CADM2: variants seen among roughly 807,000 people sequenced by gnomAD.
The protein encoded by CADM2 is immunoglobulin superfamily member 4D.
CADM2 carries 12 observed loss-of-function variants against 49.8 expected under a neutral mutation model. That is an observed-to-expected ratio of 0.24 (90% CI 0.15 to 0.39). The LOEUF (loss-of-function observed/expected upper bound fraction) is 0.39, where lower values mean the gene tolerates loss of function less well. Among genes scored for constraint, CADM2 ranks in the 10% least tolerant of loss-of-function variants. The pLI is 1.00. For synonymous variants in CADM2, 214 were observed against 175.4 expected (o/e 1.22, Z -1.74); for missense variants, 378 against 492.3 (o/e 0.77, Z 2.20).
At chr3:85,748,199 T>A (rs1386262888) in intron 2 of CADM2, among the ~76,000 whole-genome samples, 1 of 152,082 alleles carries the variant, frequency 6.6e-6, no homozygotes, top group Non-Finnish European at 1.5e-5. Flanking sequence ...AACATTCCTC[T>A]TCCAGACATC....
intron 1 of CADM2, among the ~76,000 whole-genome samples, chr3:85,142,093 G>C (rs1220899978): frequency 6.6e-6 from 1 of 152,200 alleles, no homozygotes; most frequent in Non-Finnish European, 1.5e-5. Context: ...AGTGAGAAAG[G>C]TAGTATTAGA....
At chr3:85,585,602 A>G (rs1194696055) in intron 1 of CADM2, among the ~76,000 whole-genome samples, 2 of 152,006 alleles carry the variant, frequency 1.3e-5, no homozygotes, top group Non-Finnish European at 2.9e-5. Context: ...TTAGGCATCC[A>G]CTGACGATCT....
At position 85,468,880 on chromosome 3, in the gene CADM2, A is replaced by G. The variant is rs115534588; in HGVS notation, c.62-257642A>G. Among the ~76,000 whole-genome samples the G allele has an allele frequency of 9.3e-3, 1,419 of 152,258 alleles. 19 individuals carry two copies. Among genetic ancestry groups the G allele is most frequent in the African/African-American group, 0.031 (1,290 of 41,556 alleles). Reference sequence around the variant, plus strand: ...CAGACTTATTGGCAGCCCCTGGGAGAATGTAGAGAACCCAGCTCAGAGTTG... The same window carrying G: ...CAGACTTATTGGCAGCCCCTGGGAGGATGTAGAGAACCCAGCTCAGAGTTG... On this transcript the variant is annotated intron_variant, in intron 1 of 9. Transcript: ENST00000383699.
At chr3:85,065,218 G>A (rs964180331) in intron 1 of CADM2, among the ~76,000 whole-genome samples, 1 of 151,808 alleles carries the variant, frequency 6.6e-6, no homozygotes, top group Non-Finnish European at 1.5e-5. Flanking sequence ...ATTTAGTTTA[G>A]CTATTTTAAA....
At chr3:86,024,779 T>C (rs929529321) in intron 8 of CADM2, among the ~76,000 whole-genome samples, 1 of 152,098 alleles carries the variant, frequency 6.6e-6, no homozygotes, top group African/African-American at 2.4e-5. Context: ...CGAATAAAAA[T>C]GAAGGATGCT....
intron 7 of CADM2, among the ~76,000 whole-genome samples, chr3:85,943,362 G>T (rs1722218267): frequency 7.2e-6 from 1 of 139,770 alleles, no homozygotes; most frequent in Non-Finnish European, 1.5e-5. Flanking sequence ...TGTCAATTTT[G>T]GCTTTTGTTG....
intron 1 of CADM2, among the ~76,000 whole-genome samples, chr3:85,372,497 T>C (rs6771447): frequency 0.83 from 125,585 of 151,304 alleles, 55,400 homozygotes; most frequent in Non-Finnish European, 0.96. Flanking sequence ...TTATATATTC[T>C]TTATAGTTAT....
intron 1 of CADM2, among the ~76,000 whole-genome samples, chr3:85,359,397 G>A (rs959968385): frequency 3.3e-5 from 5 of 151,394 alleles, no homozygotes; most frequent in Non-Finnish European, 7.4e-5. Context: ...TAAGAGGCAG[G>A]GGCAATGTGT....
In CADM2 at chr3:86,036,431, C is replaced by T. The variant is rs79018830; in HGVS notation, c.971-29174C>T. ...TTCTAAGGTTGACCTTCCTACTCCC[C>T]CTTGCTAAATCTCTTCTGCTTTTCT... On this transcript the variant is annotated intron_variant, in intron 8 of 9. Coordinates refer to ENST00000383699, the MANE Select transcript of CADM2 (RefSeq NM_001167675.2). Among the ~76,000 whole-genome samples the T allele has an allele frequency of 6.4e-3, 980 of 152,214 alleles. 11 individuals carry two copies. The highest frequency in any genetic ancestry group is 0.022 in the African/African-American group (929 of 41,566).
At chr3:85,846,047 C>A (rs1361536022) in intron 3 of CADM2, among the ~76,000 whole-genome samples, 1 of 152,050 alleles carries the variant, frequency 6.6e-6, no homozygotes, top group Non-Finnish European at 1.5e-5. Flanking sequence ...AAAGAAAGCA[C>A]AGGCCAATCT....
intron 1 of CADM2, among the ~76,000 whole-genome samples, chr3:85,685,626 T>C (rs1334639181): frequency 1.3e-5 from 2 of 148,702 alleles, no homozygotes; most frequent in Admixed American, 6.7e-5. Flanking sequence ...TTTTTTTTTT[T>C]TTTTTTTTTG....
chr3:85,947,658 A>T (rs1455298975), intron 7 of CADM2, among the ~76,000 whole-genome samples: 4 of 151,348 alleles, frequency 2.6e-5, no homozygotes, highest in Non-Finnish European at 5.9e-5. Flanking sequence ...TCACACATTG[A>T]CTCGCTGGAA....
At chr3:85,316,947 C>T (rs1246632526) in intron 1 of CADM2, among the ~76,000 whole-genome samples, 1 of 152,032 alleles carries the variant, frequency 6.6e-6, no homozygotes, top group South Asian at 2.1e-4. Flanking sequence ...GGCTAAAGAC[C>T]ATGAGTTGGG....
intron 8 of CADM2, among the ~76,000 whole-genome samples, chr3:86,010,659 A>G (rs1173674571): frequency 6.6e-6 from 1 of 151,356 alleles, no homozygotes. Context: ...AGAAACAAAT[A>G]TTAAGAAAAA....
chr3:85,700,072 C>A (rs2066703839), intron 1 of CADM2, among the ~76,000 whole-genome samples: 1 of 152,156 alleles, frequency 6.6e-6, no homozygotes, highest in African/African-American at 2.4e-5. Context: ...AAAGCAAAGA[C>A]TTGGAACCAA....
At chr3:85,224,807 G>T (rs1423243997) in intron 1 of CADM2, among the ~76,000 whole-genome samples, 1 of 152,118 alleles carries the variant, frequency 6.6e-6, no homozygotes, top group Non-Finnish European at 1.5e-5. Context: ...TCCAGTTTCA[G>T]CTTTCTGCAT....
intron 1 of CADM2, among the ~76,000 whole-genome samples, chr3:85,355,449 G>A (rs979367740): frequency 3.3e-5 from 5 of 152,000 alleles, no homozygotes; most frequent in African/African-American, 9.7e-5. Context: ...TTCTCACTTC[G>A]TATGTAGATT....
At chr3:85,772,964 T>C (rs1033114411) in intron 2 of CADM2, among the ~76,000 whole-genome samples, 17 of 151,818 alleles carry the variant, frequency 1.1e-4, no homozygotes, top group African/African-American at 3.9e-4. Flanking sequence ...TGCTGTATGA[T>C]TCCCTGTGAT....
intron 6 of CADM2, 22 bp from the exon 7 acceptor site, chr3:85,935,745 C>A: frequency 7.1e-7 from 1 of 1,402,376 alleles, no homozygotes. Flanking sequence ...AATTACCTTT[C>A]TTAATATTCT....
Sources: allele counts gnomAD v4.1 joint callset (sites outside exome capture counted in the v4.1 genomes callset), GRCh38; gene constraint gnomAD v4.1.1; transcripts MANE v1.5; gene names NCBI Gene and HGNC (gene_info 2026-07-23, HGNC 2026-07-21).